Variants in JAM3 observed in about 807,000 individuals in gnomAD.
JAM3 encodes junctional adhesion molecule C.
In JAM3, 31 loss-of-function variants were observed where a neutral mutation model predicts 39.4. That is an observed-to-expected ratio of 0.79 (90% confidence interval 0.59 to 1.06). The LOEUF is 1.06. Among genes scored for constraint, JAM3 ranks in the 50% least tolerant of loss-of-function variants. JAM3 has a pLI of 0.00. For missense variants in JAM3, 455 were observed against 391.4 expected, an observed-to-expected ratio of 1.16 and a Z score of -1.37; for synonymous variants, 182 against 148.7, an observed-to-expected ratio of 1.22 and a Z score of -1.63.
chr11:134,147,459 C>CAAAAA (rs557379286), intron 6 of JAM3, among the ~76,000 whole-genome samples: 2,010 of 70,752 alleles, frequency 0.028, 40 homozygotes, highest in Non-Finnish European at 0.045. Context: ...GACTCTGTCT[C>CAAAAA]AAAAAAAAAA....
At chr11:134,147,251 C>G (rs1442980679) in intron 6 of JAM3, among the ~76,000 whole-genome samples, 1 of 151,736 alleles carries the variant, frequency 6.6e-6, no homozygotes, top group African/African-American at 2.4e-5. Flanking sequence ...GTCAGGAGTT[C>G]AAGACCAGCC....
chr11:134,148,924 C>T, intron 8 of JAM3, 106 bp downstream of exon 8: 1 of 1,172,416 alleles, frequency 8.5e-7, no homozygotes, highest in South Asian at 1.3e-5. Context: ...AGTGATTGTG[C>T]AGCTCCTGAG....
intron 1 of JAM3, among the ~76,000 whole-genome samples, chr11:134,111,936 C>A (rs939804140): frequency 5.9e-5 from 9 of 152,172 alleles, no homozygotes; most frequent in Admixed American, 5.9e-4. Flanking sequence ...GATCTGAAGT[C>A]CAGCCTCTCC....
rs183933091 is a variant in JAM3 at position 134,128,222 on chromosome 11, C to G, written c.77-11629C>G. 2.0e-5 allele frequency among the ~76,000 whole-genome samples: 3 copies of G among 151,182 alleles called. No homozygotes were observed. In the East Asian group the frequency reaches 5.8e-4, roughly 29 times the overall value. On this transcript the variant is annotated intron_variant, in intron 1 of 8. Coordinates refer to ENST00000299106, the MANE Select transcript of JAM3 (RefSeq NM_032801.5). Reference sequence around the variant, plus strand: ...CTTAATGTAGCTGGGGATGCCATTCCATGTGGTTTTAGAAATCCTTTGTTA... The same window carrying G: ...CTTAATGTAGCTGGGGATGCCATTCGATGTGGTTTTAGAAATCCTTTGTTA...
At chr11:134,087,977 G>A (rs2120620702) in intron 1 of JAM3, among the ~76,000 whole-genome samples, 1 of 152,272 alleles carries the variant, frequency 6.6e-6, no homozygotes, top group South Asian at 2.1e-4. Context: ...AGTTATGGCA[G>A]CCAAAGATGA....
At chr11:134,131,723 A>G (rs933225583) in intron 1 of JAM3, among the ~76,000 whole-genome samples, 13 of 152,238 alleles carry the variant, frequency 8.5e-5, no homozygotes, top group African/African-American at 3.1e-4. Context: ...GTCCCTGAAG[A>G]AAAGGACACT....
intron 4 of JAM3, 42 bp downstream of exon 4, chr11:134,144,435 G>A (rs762227360): frequency 6.2e-7 from 1 of 1,609,250 alleles, no homozygotes; most frequent in Non-Finnish European, 8.5e-7. Context: ...ACCATAGGAT[G>A]CAAGAGATCA....
At chr11:134,089,643 A>AT (rs1565484448) in intron 1 of JAM3, among the ~76,000 whole-genome samples, 1 of 152,102 alleles carries the variant, frequency 6.6e-6, no homozygotes, top group East Asian at 1.9e-4. Flanking sequence ...TGAACTCATC[A>AT]TTTTTTATGG....
chr11:134,126,992 G>C (rs538178927), intron 1 of JAM3, among the ~76,000 whole-genome samples: 2 of 152,222 alleles, frequency 1.3e-5, no homozygotes, highest in Non-Finnish European at 2.9e-5. Flanking sequence ...TAAGTGGCTA[G>C]ATTATAGAGA....
chr11:134,122,372 C>G (rs759167305), intron 1 of JAM3, among the ~76,000 whole-genome samples: 14 of 152,170 alleles, frequency 9.2e-5, no homozygotes, highest in Non-Finnish European at 1.9e-4. Flanking sequence ...AAAAATAGTG[C>G]AAGAGCCCCT....
At chr11:134,130,068 G>C (rs565426975) in intron 1 of JAM3, among the ~76,000 whole-genome samples, 1 of 152,250 alleles carries the variant, frequency 6.6e-6, no homozygotes, top group South Asian at 2.1e-4. Context: ...TCATGTAACA[G>C]AGTTTTGAAG....
At chr11:134,121,609 A>T (rs915453557) in intron 1 of JAM3, among the ~76,000 whole-genome samples, 2 of 152,174 alleles carry the variant, frequency 1.3e-5, no homozygotes, top group African/African-American at 2.4e-5. Flanking sequence ...AGCTAGCAAT[A>T]CTTCATTAAA....
intron 1 of JAM3, among the ~76,000 whole-genome samples, chr11:134,118,025 G>A (rs1443740761): frequency 6.6e-6 from 1 of 152,208 alleles, no homozygotes; most frequent in Non-Finnish European, 1.5e-5. Context: ...ACCAGAATCT[G>A]TAATCACATG....
At chr11:134,095,722 T>C (rs1416877710) in intron 1 of JAM3, among the ~76,000 whole-genome samples, 1 of 152,162 alleles carries the variant, frequency 6.6e-6, no homozygotes, top group African/African-American at 2.4e-5. Context: ...ACGGAAGTAC[T>C]CAGTTACGAG....
At chr11:134,132,800 T>C (rs1942792639) in intron 1 of JAM3, among the ~76,000 whole-genome samples, 2 of 152,188 alleles carry the variant, frequency 1.3e-5, no homozygotes, top group Non-Finnish European at 2.9e-5. Flanking sequence ...TGGGGGGGCC[T>C]GCTAAGACTG....
chr11:134,102,279 T>TC (rs1942089583), intron 1 of JAM3, among the ~76,000 whole-genome samples: 1 of 151,810 alleles, frequency 6.6e-6, no homozygotes, highest in Non-Finnish European at 1.5e-5. Flanking sequence ...TCCAGCAAAC[T>TC]CCAACAGACT....
chr11:134,075,764 T>C (rs1160031939), intron 1 of JAM3, among the ~76,000 whole-genome samples: 1 of 152,216 alleles, frequency 6.6e-6, no homozygotes, highest in Non-Finnish European at 1.5e-5. Flanking sequence ...TTATATGTTG[T>C]GGTTTGTATA....
chr11:134,149,071 G>T, intron 8 of JAM3, 75 bp from the exon 9 acceptor site: 2 of 1,552,942 alleles, frequency 1.3e-6, no homozygotes, highest in African/African-American at 2.7e-5. Context: ...TTTAGCCCAT[G>T]TTAGACTTAC....
intron 1 of JAM3, among the ~76,000 whole-genome samples, chr11:134,123,573 C>G (rs1160651043): frequency 6.6e-6 from 1 of 152,218 alleles, no homozygotes; most frequent in African/African-American, 2.4e-5. Context: ...ATTCAAACTC[C>G]AAAACTAGGA....
Sources: gnomAD v4.1 joint callset for allele counts (sites outside exome capture counted in the v4.1 genomes callset) on GRCh38, gnomAD v4.1.1 for gene constraint, MANE v1.5 for transcripts, NCBI Gene and HGNC (gene_info 2026-07-23, HGNC 2026-07-21) for gene names.